Variants in BCKDHB observed in about 807,000 individuals in gnomAD.
BCKDHB encodes the protein branched chain keto acid dehydrogenase E1 subunit beta.
Under a neutral mutation model 48.5 loss-of-function variants are expected in BCKDHB, and 41 were observed. The ratio of observed to expected loss-of-function variants is 0.85; its 90% CI spans 0.66 to 1.10. BCKDHB has a LOEUF of 1.10. Ranked by LOEUF, BCKDHB falls within the 50% of genes least tolerant of loss-of-function variation. The pLI is 0.00. For synonymous variants in BCKDHB, 201 were observed against 174.8 expected (o/e 1.15, Z -1.18); for missense variants, 496 against 494.2 (o/e 1.00, Z -0.03).
chr6:80,425,918 G>A, the BCKDHB span, among the ~76,000 whole-genome samples: 2 of 152,098 alleles, frequency 1.3e-5, no homozygotes, highest in Non-Finnish European at 2.9e-5. Context: ...TTGTGTCTAA[G>A]ATAAAAAACC....
chr6:80,304,552 C>T (rs1027066924), intron 9 of BCKDHB, among the ~76,000 whole-genome samples: 7 of 152,088 alleles, frequency 4.6e-5, no homozygotes, highest in African/African-American at 7.2e-5. Context: ...ATGTTTTATA[C>T]ACAGTGTTCT....
intron 9 of BCKDHB, among the ~76,000 whole-genome samples, chr6:80,295,771 A>C (rs1401961637): frequency 1.3e-5 from 2 of 151,978 alleles, no homozygotes; most frequent in African/African-American, 4.8e-5. Context: ...CCTCTTTATA[A>C]AACCATCAGA....
Position 80,238,908 on chromosome 6 carries a change from T to C in BCKDHB, c.952-34227T>C, listed in dbSNP as rs148467603. ...GAATGATGGTTTCCAGCTTCATCCA[T>C]GGCCCTGCAAAGGACATGAACTCAT... On this transcript the variant is annotated intron_variant, in intron 8 of 9. Coordinates refer to ENST00000320393, the MANE Select transcript of BCKDHB (RefSeq NM_183050.4). 9.2e-3 allele frequency among the ~76,000 whole-genome samples: 1,405 copies of C among 152,280 alleles called. 29 individuals are homozygous for C. Among genetic ancestry groups the C allele is most frequent in the African/African-American group, 0.032 (1,336 of 41,546 alleles).
chr6:80,447,080 T>A, the BCKDHB span, among the ~76,000 whole-genome samples: 1 of 152,284 alleles, frequency 6.6e-6, no homozygotes, highest in South Asian at 2.1e-4. Context: ...CTTGGGACCT[T>A]GGGCGAGGAT....
In BCKDHB at chr6:80,167,825, C is replaced by A. The variant is rs112504381; in HGVS notation, c.477+14C>A. The A allele has an allele frequency of 1.9e-6, 3 of 1,612,432 alleles. No individual in the cohort carries two copies. The South Asian group carries it at 3.3e-5, about 18-fold the overall frequency. On this transcript the variant is annotated intron_variant, in intron 4 of 9. Coordinates refer to ENST00000320393, the MANE Select transcript of BCKDHB (RefSeq NM_183050.4). ...GCATTTGATCAGGTAAGTGAATGAA[C>A]ATTTCTAAGGTTGTTCATTCATTGA...
chr6:80,193,962 G>A (rs1276431169), intron 6 of BCKDHB, among the ~76,000 whole-genome samples: 1 of 152,084 alleles, frequency 6.6e-6, no homozygotes, highest in Non-Finnish European at 1.5e-5. Flanking sequence ...TACCAAATGT[G>A]GTTTTGCTTC....
intron 6 of BCKDHB, among the ~76,000 whole-genome samples, chr6:80,193,221 A>G (rs1436278394): frequency 6.6e-6 from 1 of 152,172 alleles, no homozygotes; most frequent in Non-Finnish European, 1.5e-5. Flanking sequence ...TGAAGAAAAA[A>G]ATTAGACTGC....
In BCKDHB at chr6:80,129,309, AT is replaced by A. The variant is rs539750302; in HGVS notation, c.343+86del. Reference sequence around the variant, plus strand: ...TAAAAATACAAAATATGCCTACTAAATTTTTTGTCATATCCCCATTGTATGG... The same window carrying A: ...TAAAAATACAAAATATGCCTACTAAATTTTTGTCATATCCCCATTGTATGG... On this transcript the variant is annotated intron_variant, in intron 3 of 9. Transcript: ENST00000320393. 3.8e-5 allele frequency: 46 copies of A among 1,195,408 alleles called. No homozygotes were observed. The East Asian group carries it at 9.2e-4, about 24-fold the overall frequency. 74.1% of individuals were successfully genotyped at this position (1,195,408 alleles called of 1,614,324 possible).
At chr6:80,348,654 C>G (rs1007755316), downstream of BCKDHB, among the ~76,000 whole-genome samples, 3 of 152,194 alleles carry the variant, frequency 2.0e-5, no homozygotes, top group African/African-American at 7.2e-5. Context: ...TCACCTGCTC[C>G]AAGTACACCT....
At chr6:80,401,864 C>A in the BCKDHB span, among the ~76,000 whole-genome samples, 39 of 151,778 alleles carry the variant, frequency 2.6e-4, 1 homozygote, top group Admixed American at 1.7e-3. Flanking sequence ...TTTCACTTAA[C>A]ATAATGTTCT....
chr6:80,198,864 C>T (rs1411728892), intron 6 of BCKDHB, among the ~76,000 whole-genome samples: 2 of 152,054 alleles, frequency 1.3e-5, no homozygotes, highest in Non-Finnish European at 2.9e-5. Context: ...ATAAATTACT[C>T]ACAGATTTCT....
At chr6:80,369,097 G>T in the BCKDHB span, among the ~76,000 whole-genome samples, 25 of 67,128 alleles carry the variant, frequency 3.7e-4, no homozygotes, top group African/African-American at 1.1e-3. Flanking sequence ...ACTGGCTACT[G>T]TCTTATTATT....
In BCKDHB at chr6:80,227,272, G is replaced by T. The variant is rs146380220; in HGVS notation, c.951+24060G>T. On this transcript the variant is annotated intron_variant, in intron 8 of 9. Transcript: ENST00000320393. ...GTAGTTATTTATGTTGTCCCTGTAA[G>T]TTGTATTACAGCATTAGAGAACTTC... Among the ~76,000 whole-genome samples, 374 of 152,304 alleles carry T rather than the reference G, an allele frequency of 2.5e-3. 1 individual carries two copies. Among genetic ancestry groups the T allele is most frequent in the Non-Finnish European group, 4.8e-3 (325 of 68,016 alleles).
the BCKDHB span, among the ~76,000 whole-genome samples, chr6:80,417,972 G>A: frequency 6.6e-6 from 1 of 152,074 alleles, no homozygotes; most frequent in Non-Finnish European, 1.5e-5. Context: ...GGACACCAAT[G>A]AGTCTTATAT....
chr6:80,412,618 T>G, the BCKDHB span, among the ~76,000 whole-genome samples: 10 of 152,206 alleles, frequency 6.6e-5, no homozygotes, highest in Admixed American at 6.5e-4. Context: ...CATCCATGAG[T>G]TGTATACCTT....
the BCKDHB span, among the ~76,000 whole-genome samples, chr6:80,392,506 T>C: frequency 6.6e-6 from 1 of 152,038 alleles, no homozygotes; most frequent in Non-Finnish European, 1.5e-5. Context: ...TTTAAATTTG[T>C]CCTCAATAAT....
chr6:80,354,809 C>G, the BCKDHB span, among the ~76,000 whole-genome samples: 2,953 of 152,208 alleles, frequency 0.019, 55 homozygotes, highest in Middle Eastern at 0.058. Context: ...GATCAGTTAG[C>G]TGTAAATATG....
At chr6:80,426,332 T>C in the BCKDHB span, among the ~76,000 whole-genome samples, 1 of 152,152 alleles carries the variant, frequency 6.6e-6, no homozygotes, top group Non-Finnish European at 1.5e-5. Flanking sequence ...TCTGTTTTCC[T>C]TTGCTCTTAC....
intron 8 of BCKDHB, among the ~76,000 whole-genome samples, chr6:80,261,048 C>A (rs1777279453): frequency 6.6e-6 from 1 of 152,132 alleles, no homozygotes; most frequent in African/African-American, 2.4e-5. Flanking sequence ...GTTGTCCACA[C>A]CACCTTCCAC....
Sources: gnomAD v4.1 joint callset for allele counts (sites outside exome capture counted in the v4.1 genomes callset) on GRCh38, gnomAD v4.1.1 for gene constraint, MANE v1.5 for transcripts, NCBI Gene and HGNC (gene_info 2026-07-23, HGNC 2026-07-21) for gene names.